SGCD: variants seen among roughly 807,000 people sequenced by gnomAD.
SGCD encodes the protein sarcoglycan delta, also known as delta-sarcoglycan.
In SGCD, 18 loss-of-function variants were observed where a neutral mutation model predicts 36.6. That is an observed-to-expected ratio of 0.49 (90% confidence interval 0.34 to 0.73). The LOEUF (loss-of-function observed/expected upper bound fraction) is 0.73, where lower values mean the gene tolerates loss of function less well. Ranked by LOEUF, SGCD falls within the 30% of genes least tolerant of loss-of-function variation. The probability of loss-of-function intolerance (pLI) is 0.01; values close to 1 mark genes in which losing one functional copy is unlikely to be tolerated. For synonymous variants in SGCD, 133 were observed against 130.6 expected (o/e 1.02, Z -0.12); for missense variants, 387 against 346.7 (o/e 1.12, Z -0.92).
At chr5:156,283,002 G>C (rs540861696) in intron 3 of SGCD, among the ~76,000 whole-genome samples, 1 of 152,282 alleles carries the variant, frequency 6.6e-6, no homozygotes, top group South Asian at 2.1e-4. Context: ...CTTCAGAAAT[G>C]ATTCCAGGTG....
chr5:155,840,345 G>A, the SGCD span, among the ~76,000 whole-genome samples: 1 of 150,564 alleles, frequency 6.6e-6, no homozygotes, highest in Admixed American at 6.6e-5. Flanking sequence ...CTAGGTTCAA[G>A]CCATTCTCCT....
intron 3 of SGCD, among the ~76,000 whole-genome samples, chr5:156,128,725 A>G (rs754265996): frequency 1.3e-5 from 2 of 152,152 alleles, no homozygotes; most frequent in Non-Finnish European, 2.9e-5. Flanking sequence ...TTCTGCCAGC[A>G]TGTAAGACAT....
At chr5:156,688,621 A>C (rs1219060998) in intron 7 of SGCD, among the ~76,000 whole-genome samples, 1 of 152,212 alleles carries the variant, frequency 6.6e-6, no homozygotes, top group Non-Finnish European at 1.5e-5. Flanking sequence ...GGGAACCAGC[A>C]GAGTCTGATC....
Position 156,186,657 on chromosome 5 carries a change from G to T in SGCD, c.-44+62638G>T, listed in dbSNP as rs901630943. ...TATGAGTTTTTCCTGGAGTTATGCT[G>T]CTTTCTTGGGCTCTAGCCTGGAATT... On this transcript the variant is annotated intron_variant, in intron 3 of 9. Transcript: ENST00000517913. Among the ~76,000 whole-genome samples the T allele has an allele frequency of 1.4e-4, 21 of 152,266 alleles. 1 individual carries two copies. The South Asian group carries it at 3.5e-3, about 26-fold the overall frequency.
chr5:156,182,827 C>G (rs1433081195), intron 3 of SGCD, among the ~76,000 whole-genome samples: 2 of 152,154 alleles, frequency 1.3e-5, no homozygotes, highest in Non-Finnish European at 2.9e-5. Flanking sequence ...GAGGTGTTAG[C>G]AAATGTAACA....
Position 156,759,374 on chromosome 5 carries a change from C to G in SGCD, c.857C>G (p.Thr286Arg). 1 of 1,609,056 alleles carries G rather than the reference C, an allele frequency of 6.2e-7. No homozygotes were observed. The highest frequency in any genetic ancestry group is 8.5e-7 in the Non-Finnish European group (1 of 1,176,164). The change falls in exon 9 of 9, where the codon ACA becomes AGA. Residue 286 changes from threonine (T) to arginine (R), a missense_variant. Physicochemically the swap from Thr to Arg is moderately conservative, Grantham distance 71. Transcript: ENST00000337851. Reference sequence around the variant, plus strand: ...GCTGGGTCCACTTGTCAGATAAACACAAGTGTCTGCCTCTGAAAGACTATC... The same window carrying G: ...GCTGGGTCCACTTGTCAGATAAACAGAAGTGTCTGCCTCTGAAAGACTATC... ...AGAGSTCQINTSVCL is the reference protein window; with the variant it reads ...AGAGSTCQINRSVCL
intron 4 of SGCD, among the ~76,000 whole-genome samples, chr5:156,562,117 A>C (rs1173007635): frequency 1.3e-5 from 2 of 152,230 alleles, no homozygotes; most frequent in Non-Finnish European, 2.9e-5. Context: ...ACAAAAATAG[A>C]CCAAGATTCT....
At chr5:156,482,774 G>GA (rs1259682734) in intron 3 of SGCD, among the ~76,000 whole-genome samples, 1 of 137,934 alleles carries the variant, frequency 7.2e-6, no homozygotes, top group African/African-American at 2.7e-5. Context: ...CTCCCTACAA[G>GA]ATAATGAGTT....
At chr5:156,576,295 G>T (rs916685139) in intron 4 of SGCD, among the ~76,000 whole-genome samples, 3 of 152,142 alleles carry the variant, frequency 2.0e-5, no homozygotes, top group African/African-American at 7.2e-5. Context: ...TGGTGTATAT[G>T]TGCCACATTT....
intron 1 of SGCD, among the ~76,000 whole-genome samples, chr5:155,949,444 T>C (rs1426173707): frequency 1.3e-5 from 2 of 152,214 alleles, no homozygotes; most frequent in East Asian, 3.9e-4. Flanking sequence ...TTAGGCATTA[T>C]AGTGTTCCCT....
At chr5:156,483,384 GAGGGAGA>G (rs1261028864) in intron 3 of SGCD, among the ~76,000 whole-genome samples, 12 of 152,226 alleles carry the variant, frequency 7.9e-5, no homozygotes, top group Non-Finnish European at 1.5e-4. Flanking sequence ...GTCTGACTGT[GAGGGAGA>G]AGGGAGTCAC....
the SGCD span, among the ~76,000 whole-genome samples, chr5:155,775,578 C>T: frequency 2.0e-5 from 3 of 152,164 alleles, no homozygotes; most frequent in South Asian, 6.2e-4. Flanking sequence ...TGCTTTTTAG[C>T]TAGCACAGCA....
chr5:156,138,333 A>C (rs578099203), intron 3 of SGCD, among the ~76,000 whole-genome samples: 35 of 152,310 alleles, frequency 2.3e-4, no homozygotes, highest in African/African-American at 8.4e-4. Flanking sequence ...CCCAGGAGGC[A>C]GAGGTTGCGG....
At chr5:156,320,285 A>C (rs1255723519) in intron 3 of SGCD, among the ~76,000 whole-genome samples, 2 of 152,222 alleles carry the variant, frequency 1.3e-5, no homozygotes, top group Non-Finnish European at 2.9e-5. Context: ...GCAAAAATAA[A>C]GATGAGTGAT....
intron 3 of SGCD, among the ~76,000 whole-genome samples, chr5:156,145,105 C>T (rs1356628295): frequency 6.6e-6 from 1 of 152,134 alleles, no homozygotes; most frequent in Non-Finnish European, 1.5e-5. Flanking sequence ...GAGGTGGGGC[C>T]TGATGGGAGG....
chr5:156,670,026 G>C (rs145576407), intron 7 of SGCD, among the ~76,000 whole-genome samples: 1 of 151,992 alleles, frequency 6.6e-6, no homozygotes, highest in Non-Finnish European at 1.5e-5. Flanking sequence ...CGACCAGCCC[G>C]TTTTCACCTG....
intron 1 of SGCD, among the ~76,000 whole-genome samples, chr5:156,039,152 CT>C (rs1342340991): frequency 3.4e-4 from 52 of 152,218 alleles, no homozygotes; most frequent in African/African-American, 1.2e-3. Flanking sequence ...ACTCCACCAC[CT>C]AGCCCTAAGA....
chr5:156,746,301 G>T (rs545462068), intron 7 of SGCD, among the ~76,000 whole-genome samples: 183 of 152,282 alleles, frequency 1.2e-3, no homozygotes, highest in African/African-American at 4.3e-3. Context: ...CTCACAAAAG[G>T]AGGGCAAATT....
intron 1 of SGCD, among the ~76,000 whole-genome samples, chr5:155,917,902 G>A (rs1034200719): frequency 3.3e-5 from 5 of 152,122 alleles, no homozygotes; most frequent in Non-Finnish European, 5.9e-5. Context: ...TAGTGGATCT[G>A]GCCACAGGAG....
Sources: gnomAD v4.1 joint callset for allele counts (sites outside exome capture counted in the v4.1 genomes callset) on GRCh38, gnomAD v4.1.1 for gene constraint, MANE v1.5 for transcripts, NCBI Gene and HGNC (gene_info 2026-07-23, HGNC 2026-07-21) for gene names.